The following ABCC3 variants were observed in gnomAD, a reference collection of about 807,000 sequenced individuals.
The protein encoded by ABCC3 is ATP-binding cassette sub-family C member 3.
Under a neutral mutation model 165.3 loss-of-function variants are expected in ABCC3, and 121 were observed. The ratio of observed to expected loss-of-function variants is 0.73; its 90% CI spans 0.63 to 0.85. The LOEUF (loss-of-function observed/expected upper bound fraction) is 0.85. Among genes scored for constraint, ABCC3 ranks in the 40% least tolerant of loss-of-function variants. The pLI, the probability that ABCC3 is intolerant of heterozygous loss-of-function variation, is 0.00. For synonymous variants in ABCC3, 733 were observed against 810.1 expected, an observed-to-expected ratio of 0.90 and a Z score of 1.62; for missense variants, 1,869 against 1,964.1, an observed-to-expected ratio of 0.95 and a Z score of 0.92.
chr17:50,673,441 G>T (rs2240801), intron 18 of ABCC3, 28 bp from the exon 19 acceptor site: 1 of 1,608,108 alleles, frequency 6.2e-7, no homozygotes, highest in Non-Finnish European at 8.5e-7. Flanking sequence ...AGGGTGGTAG[G>T]GGTGAGAGCC....
rs955783517 is a variant in ABCC3 at position 50,658,661 on chromosome 17, G to A, written c.674+165G>A. The A allele has an allele frequency of 4.1e-5, 31 of 761,974 alleles. No homozygotes were observed. In the African/African-American group the frequency reaches 5.0e-4, roughly 12 times the overall value. The allele number at this position is 761,974 out of a possible 1,614,324, so 47.2% of individuals were successfully genotyped here. A position where few individuals can be genotyped will look rare whatever the true frequency, so the allele number is the denominator to read the frequency against. ...GAGGGTAGGGAAGTGGTCTGGGAGG[G>A]GGACCAAATGCAGAGGCCTGGCCTG... On this transcript the variant is annotated intron_variant, in intron 6 of 30. Transcript: ENST00000285238.
intron 8 of ABCC3, among the ~76,000 whole-genome samples, 181 bp downstream of exon 8, chr17:50,661,295 C>G (rs1410603426): frequency 1.3e-5 from 2 of 152,264 alleles, no homozygotes; most frequent in Admixed American, 6.5e-5. Context: ...CACTCACATT[C>G]AACTTAGAAT....
chr17:50,640,595 T>C (rs1597836927), intron 1 of ABCC3, among the ~76,000 whole-genome samples: 1 of 152,232 alleles, frequency 6.6e-6, no homozygotes, highest in South Asian at 2.1e-4. Context: ...CTCAGCTCAC[T>C]GCAACCTCCG....
At chr17:50,650,637 G>A (rs1239462561) in intron 1 of ABCC3, among the ~76,000 whole-genome samples, 2 of 152,116 alleles carry the variant, frequency 1.3e-5, no homozygotes, top group South Asian at 2.1e-4. Context: ...ACATCCTCAC[G>A]TCTTATAGCT....
chr17:50,685,915 G>T (rs1342792911), intron 29 of ABCC3, among the ~76,000 whole-genome samples: 3 of 152,044 alleles, frequency 2.0e-5, no homozygotes, highest in Non-Finnish European at 4.4e-5. Flanking sequence ...CTAAAACAAG[G>T]CCAGGCACAG....
chr17:50,667,808 A>G (rs1258363472), intron 12 of ABCC3, 51 bp downstream of exon 12: 26 of 1,613,476 alleles, frequency 1.6e-5, no homozygotes, highest in African/African-American at 6.7e-5. Flanking sequence ...CTGGGTGCCC[A>G]GGCATGGCCA....
intron 7 of ABCC3, among the ~76,000 whole-genome samples, chr17:50,659,900 C>G (rs1967338991): frequency 1.3e-5 from 2 of 152,162 alleles, no homozygotes; most frequent in African/African-American, 4.8e-5. Flanking sequence ...GTGGGAGGAT[C>G]ATTTGAGCCC....
rs1372219314 is a variant in ABCC3 at position 50,676,136 on chromosome 17, C to T, written c.3067+46C>T. The T allele has an allele frequency of 7.5e-6, 12 of 1,607,722 alleles. No homozygotes were observed. In the African/African-American group the frequency reaches 1.6e-4, roughly 22 times the overall value. On this transcript the variant is annotated intron_variant, in intron 22 of 30. Coordinates refer to ENST00000285238, the MANE Select transcript of ABCC3 (RefSeq NM_003786.4). Reference sequence around the variant, plus strand: ...AGAAGGGGCTCCAATATCCCTTCTTCTCTGGGCTGCCAGGCCCCCCAAACC... The same window carrying T: ...AGAAGGGGCTCCAATATCCCTTCTTTTCTGGGCTGCCAGGCCCCCCAAACC...
At position 50,635,537 on chromosome 17, in the gene ABCC3, T is replaced by C. The variant is rs144921745; in HGVS notation, c.45+556T>C. ...CTTTTCTCTAGGTAAGACTGAGGTC[T>C]GAGAGCAGGCCATCCCCACCACTCC... is the stretch of plus-strand genomic sequence containing the variant. On this transcript the variant is annotated intron_variant, in intron 1 of 30. Transcript: ENST00000285238. The C allele has an allele frequency of 9.4e-4, 657 of 702,578 alleles. 2 individuals carry two copies. The highest frequency in any genetic ancestry group is 9.2e-3 in the African/African-American group (530 of 57,372). The allele number at this position is 702,578 out of a possible 1,614,324, so 43.5% of individuals were successfully genotyped here.
chr17:50,688,264 C>G (rs981438102), intron 30 of ABCC3: 2 of 153,490 alleles, frequency 1.3e-5, no homozygotes, highest in African/African-American at 4.8e-5. Flanking sequence ...TCCACAGGCA[C>G]TGTCTTTGTG....
In ABCC3 at chr17:50,679,807, G is replaced by T. The variant is rs183386954; in HGVS notation, c.3715G>T (p.Ala1239Ser). 3 of 1,614,082 alleles carry T rather than the reference G, an allele frequency of 1.9e-6. No individual in the cohort carries two copies. In the Admixed American group the frequency reaches 5.0e-5, roughly 27 times the overall value. The change falls in exon 26 of 31, where the codon GCT (alanine) becomes TCT (serine). Residue 1239 changes from alanine (A) to serine (S), a missense_variant. By Grantham distance (99) the Ala-to-Ser change is moderately conservative. Coordinates refer to ENST00000285238, the MANE Select transcript of ABCC3 (RefSeq NM_003786.4). ...SVSYSLQVTF[A>S]LNWMIRMMSD... ...CAGTCCCTTTGGCCAGGTGACATTT[G>T]CTCTGAACTGGATGATACGAATGAT...
At chr17:50,679,577 G>A (rs1457769942) in intron 25 of ABCC3, 2 of 428,584 alleles carry the variant, frequency 4.7e-6, no homozygotes, top group Non-Finnish European at 4.3e-6. Flanking sequence ...AAACCAAGGC[G>A]AGGTGGTCCT....
At chr17:50,638,831 G>C (rs1389496976) in intron 1 of ABCC3, among the ~76,000 whole-genome samples, 1 of 152,186 alleles carries the variant, frequency 6.6e-6, no homozygotes, top group Non-Finnish European at 1.5e-5. Flanking sequence ...TGTGACTTTG[G>C]GCAAATGACT....
At chr17:50,671,473 A>G (rs548169523) in intron 17 of ABCC3, among the ~76,000 whole-genome samples, 30 of 152,184 alleles carry the variant, frequency 2.0e-4, no homozygotes, top group African/African-American at 7.0e-4. Context: ...ACTACTTAGT[A>G]TCTTAGTCCA....
chr17:50,636,329 A>G (rs77575985), intron 1 of ABCC3, among the ~76,000 whole-genome samples: 2 of 152,088 alleles, frequency 1.3e-5, no homozygotes, highest in South Asian at 4.1e-4. Flanking sequence ...AATGGGCTGA[A>G]GGCGTTATAT....
At chr17:50,659,648 C>T (rs2146609842) in intron 7 of ABCC3, among the ~76,000 whole-genome samples, 1 of 152,244 alleles carries the variant, frequency 6.6e-6, no homozygotes, top group Non-Finnish European at 1.5e-5. Flanking sequence ...CTTAATTTTT[C>T]AACAGCCCTA....
rs1207222566 is a variant in ABCC3, at chr17:50,661,194, A to G, written c.998+80A>G. The G allele has an allele frequency of 1.3e-5, 18 of 1,421,472 alleles. No individual in the cohort carries two copies. In the East Asian group the frequency reaches 4.0e-4, roughly 32 times the overall value. The allele number at this position is 1,421,472 out of a possible 1,614,324, so 88.1% of individuals were successfully genotyped here. ...GCTAGCCCAGAGGAAGGAACAACGTACAGTGAAAAGAACCCCAGACCAGGA... is the reference window on the plus strand; with the variant it reads ...GCTAGCCCAGAGGAAGGAACAACGTGCAGTGAAAAGAACCCCAGACCAGGA... On this transcript the variant is annotated intron_variant, in intron 8 of 30. Transcript: ENST00000285238.
chr17:50,637,817 GA>G, intron 1 of ABCC3, among the ~76,000 whole-genome samples: 1 of 152,272 alleles, frequency 6.6e-6, no homozygotes, highest in East Asian at 1.9e-4. Flanking sequence ...GGGGTTAGAA[GA>G]AAATGTCAGA....
At chr17:50,650,620 A>G (rs1330416739) in intron 1 of ABCC3, among the ~76,000 whole-genome samples, 6 of 152,196 alleles carry the variant, frequency 3.9e-5, no homozygotes, top group Non-Finnish European at 8.8e-5. Context: ...TCCGTTATCA[A>G]AACAAAACAT....
Sources: allele counts gnomAD v4.1 joint callset (sites outside exome capture counted in the v4.1 genomes callset), GRCh38; gene constraint gnomAD v4.1.1; transcripts MANE v1.5; gene names NCBI Gene and HGNC (gene_info 2026-07-23, HGNC 2026-07-21).